GPHN: variants seen among roughly 807,000 people sequenced by gnomAD.
GPHN encodes the protein gephyrin.
In GPHN, 17 loss-of-function variants were observed where a neutral mutation model predicts 95.5. The ratio of observed to expected loss-of-function variants is 0.18; its 90% CI spans 0.12 to 0.27. GPHN has a LOEUF of 0.27. GPHN is among the 10% of genes least tolerant of loss of function. The pLI is 1.00. For synonymous variants in GPHN, 320 were observed against 322.5 expected, an observed-to-expected ratio of 0.99 and a Z score of 0.08; for missense variants, 660 against 978.1, an observed-to-expected ratio of 0.67 and a Z score of 4.34.
At chr14:67,375,232 C>CTG in the GPHN span, among the ~76,000 whole-genome samples, 3,946 of 137,602 alleles carry the variant, frequency 0.029, 58 homozygotes, top group East Asian at 0.065. Context: ...ATCCTCAGTT[C>CTG]TGTGTGTGTG....
chr14:67,204,865 G>T, the GPHN span: 13 of 1,613,950 alleles, frequency 8.1e-6, no homozygotes, highest in Non-Finnish European at 1.0e-5. Flanking sequence ...ACATGTCAGG[G>T]ACAGCATAGA....
chr14:67,173,910 T>TG lies in GPHN; in HGVS notation c.2079+4874_2079+4875insG, dbSNP rs530563167. ...CAGTTGAAGAATTCAATAAATGAAA[T>TG]AAAAATGCAATAGAGAGCTTCAATA... On this transcript the variant is annotated intron_variant, in intron 21 of 22. Coordinates refer to ENST00000478722, the MANE Select transcript of GPHN (RefSeq NM_020806.5). 3.0e-3 allele frequency among the ~76,000 whole-genome samples: 447 copies of TG among 151,244 alleles called. 4 individuals carry two copies. Among genetic ancestry groups the TG allele is most frequent in the African/African-American group, 0.01 (414 of 41,204 alleles).
chr14:66,649,085 A>T (rs2064905039), intron 1 of GPHN, among the ~76,000 whole-genome samples: 1 of 152,154 alleles, frequency 6.6e-6, no homozygotes. Flanking sequence ...TAATCCTAGC[A>T]CTTTGGGAGG....
chr14:66,865,180 T>C (rs922242985), intron 4 of GPHN, among the ~76,000 whole-genome samples: 9 of 152,086 alleles, frequency 5.9e-5, no homozygotes, highest in Non-Finnish European at 1.3e-4. Context: ...AAACCTGGTA[T>C]TGGATAGCAC....
chr14:67,688,386 TG>T, the GPHN span, among the ~76,000 whole-genome samples: 3 of 152,202 alleles, frequency 2.0e-5, no homozygotes, highest in Admixed American at 6.5e-5. Flanking sequence ...TAAATCCATA[TG>T]TACTAAATGG....
At chr14:67,214,491 T>C in the GPHN span, among the ~76,000 whole-genome samples, 127 of 152,348 alleles carry the variant, frequency 8.3e-4, no homozygotes, top group Non-Finnish European at 6.0e-4. Flanking sequence ...TGCGGCGTTA[T>C]TTCTGAGGGC....
At chr14:67,470,826 T>G in the GPHN span, 3 of 152,554 alleles carry the variant, frequency 2.0e-5, no homozygotes, top group Non-Finnish European at 4.4e-5. Flanking sequence ...CCATGTCTAG[T>G]GGAGAGAGGC....
chr14:66,841,466 A>G (rs2062084509), intron 4 of GPHN, among the ~76,000 whole-genome samples: 1 of 152,190 alleles, frequency 6.6e-6, no homozygotes, highest in Admixed American at 6.5e-5. Context: ...GTGGAAAATG[A>G]CAGTGGCTTA....
chr14:67,243,489 A>ATTTTT, the GPHN span, among the ~76,000 whole-genome samples: 7 of 100,292 alleles, frequency 7.0e-5, no homozygotes, highest in African/African-American at 8.2e-5. Context: ...CCAGAATATA[A>ATTTTT]TTTTTTTTTT....
chr14:67,573,314 G>A, the GPHN span: 2 of 1,613,734 alleles, frequency 1.2e-6, no homozygotes, highest in Non-Finnish European at 1.7e-6. The surrounding 1 kb of genome is among the most constrained non-coding windows in gnomAD (Gnocchi z 4.8). Context: ...TGAAAATGGG[G>A]AGCCAGGTGA....
At chr14:66,852,541 T>C (rs1054091085) in intron 4 of GPHN, among the ~76,000 whole-genome samples, 2 of 152,240 alleles carry the variant, frequency 1.3e-5, no homozygotes, top group African/African-American at 2.4e-5. Flanking sequence ...CCTGTTATTA[T>C]TTCTGGGTGG....
At chr14:66,604,338 CTCT>C (rs1296364085) in intron 1 of GPHN, among the ~76,000 whole-genome samples, 6 of 151,834 alleles carry the variant, frequency 4.0e-5, no homozygotes, top group African/African-American at 1.2e-4. Flanking sequence ...CAAAGTTATT[CTCT>C]TAACAAAAAT....
At chr14:66,932,448 T>TTG in intron 8 of GPHN, among the ~76,000 whole-genome samples, 2 of 93,260 alleles carry the variant, frequency 2.1e-5, no homozygotes, top group Non-Finnish European at 4.6e-5. Context: ...GACCAGGTTT[T>TTG]TTTTTTTTTT....
chr14:67,039,155 C>G (rs188553901), intron 10 of GPHN, among the ~76,000 whole-genome samples: 53 of 152,280 alleles, frequency 3.5e-4, no homozygotes, highest in South Asian at 1.9e-3. Context: ...AATTGACCAG[C>G]CTTATACCTT....
At chr14:67,137,534 C>T (rs562292772) in intron 17 of GPHN, among the ~76,000 whole-genome samples, 19 of 152,180 alleles carry the variant, frequency 1.2e-4, no homozygotes, top group African/African-American at 4.1e-4. Context: ...GAGGCTGAGG[C>T]GGGCAGATCT....
rs149119437 is a variant in GPHN, at chr14:66,914,718, A to G, written c.390-1285A>G. Among the ~76,000 whole-genome samples, 47 of 152,200 alleles carry G rather than the reference A, an allele frequency of 3.1e-4. No individual in the cohort carries two copies. The East Asian group carries it at 4.2e-3, about 14-fold the overall frequency. ...AATTGCTAGATTTGCTTACATGAAA[A>G]TAGAGAACTTAATATTGATGACATT... is the stretch of plus-strand genomic sequence containing the variant. On this transcript the variant is annotated intron_variant, in intron 5 of 22. Transcript: ENST00000478722.
At chr14:67,322,840 G>A in the GPHN span, among the ~76,000 whole-genome samples, 22,704 of 152,044 alleles carry the variant, frequency 0.15, 3,172 homozygotes, top group East Asian at 0.42. Context: ...CATTTTGATA[G>A]AGCGTGTCAG....
At chr14:66,699,547 A>T (rs1343360785) in intron 2 of GPHN, among the ~76,000 whole-genome samples, 1 of 152,174 alleles carries the variant, frequency 6.6e-6, no homozygotes, top group Non-Finnish European at 1.5e-5. Context: ...TAGAATTGTT[A>T]TAAGAAGTTG....
At chr14:67,697,987 A>G in the GPHN span, among the ~76,000 whole-genome samples, 1 of 152,344 alleles carries the variant, frequency 6.6e-6, no homozygotes, top group African/African-American at 2.4e-5. Flanking sequence ...CAAGGTTGAC[A>G]TGTTCTTACA....
Sources: allele counts gnomAD v4.1 joint callset (sites outside exome capture counted in the v4.1 genomes callset), GRCh38; gene constraint gnomAD v4.1.1; non-coding constraint Gnocchi (gnomAD v3.1); transcripts MANE v1.5; gene names NCBI Gene and HGNC (gene_info 2026-07-23, HGNC 2026-07-21).